PDE4D: variants seen among roughly 807,000 people sequenced by gnomAD.
PDE4D encodes 3',5'-cyclic-AMP phosphodiesterase 4D.
PDE4D carries 24 observed loss-of-function variants against 87.4 expected under a neutral mutation model. That is an observed-to-expected ratio of 0.27 (90% confidence interval 0.20 to 0.39). The LOEUF (loss-of-function observed/expected upper bound fraction) is 0.39, where lower values mean the gene tolerates loss of function less well. Ranked by LOEUF, PDE4D falls within the 10% of genes least tolerant of loss-of-function variation. PDE4D has a pLI of 1.00. For synonymous variants in PDE4D, 384 were observed against 383.2 expected (o/e 1.00, Z -0.02); for missense variants, 714 against 1,041.0 (o/e 0.69, Z 4.32).
chr5:60,328,245 A>G (rs1756983809), intron 1 of PDE4D, among the ~76,000 whole-genome samples: 1 of 152,174 alleles, frequency 6.6e-6, no homozygotes, highest in African/African-American at 2.4e-5. Context: ...AGTAAATAAT[A>G]ATGTTCTGGG....
At chr5:59,097,853 T>A (rs1487100233) in intron 5 of PDE4D, among the ~76,000 whole-genome samples, 1 of 152,182 alleles carries the variant, frequency 6.6e-6, no homozygotes, top group East Asian at 1.9e-4. Context: ...ATGATCCCCT[T>A]CCTCTCCTAG....
chr5:59,422,238 C>G (rs1794594718), intron 1 of PDE4D, among the ~76,000 whole-genome samples: 1 of 152,134 alleles, frequency 6.6e-6, no homozygotes, highest in African/African-American at 2.4e-5. Context: ...GTCTGAGGAG[C>G]TGATTACCTT....
chr5:60,475,508 G>T (rs138500980), intron 1 of PDE4D, among the ~76,000 whole-genome samples: 11 of 152,178 alleles, frequency 7.2e-5, no homozygotes, highest in African/African-American at 2.6e-4. Context: ...GACGAAAATG[G>T]CTTTCCATTA....
intron 2 of PDE4D, among the ~76,000 whole-genome samples, chr5:60,097,152 T>C (rs926120555): frequency 2.0e-5 from 3 of 152,026 alleles, no homozygotes; most frequent in African/African-American, 7.2e-5. Context: ...GAATGAAGTC[T>C]TGTCCATGGC....
intron 1 of PDE4D, among the ~76,000 whole-genome samples, chr5:59,865,366 G>T (rs1345655216): frequency 6.6e-6 from 1 of 152,162 alleles, no homozygotes; most frequent in East Asian, 1.9e-4. Flanking sequence ...CTTAAAGTCT[G>T]TAAATGTAAT....
intron 2 of PDE4D, among the ~76,000 whole-genome samples, chr5:60,038,089 A>T (rs965053797): frequency 6.6e-6 from 1 of 152,034 alleles, no homozygotes; most frequent in African/African-American, 2.4e-5. Flanking sequence ...GTTCACTCTG[A>T]TGGTAGTTTC....
intron 1 of PDE4D, among the ~76,000 whole-genome samples, chr5:60,394,712 T>G (rs1583617696): frequency 6.6e-6 from 1 of 152,232 alleles, no homozygotes; most frequent in African/African-American, 2.4e-5. Flanking sequence ...TCAGTACAAA[T>G]GAAGTAAAGA....
At chr5:59,712,504 T>C (rs1754356348) in intron 1 of PDE4D, among the ~76,000 whole-genome samples, 1 of 148,282 alleles carries the variant, frequency 6.7e-6, no homozygotes, top group African/African-American at 2.4e-5. Context: ...TTATAACAGA[T>C]TTATTAGTCC....
chr5:59,690,266 T>A, intron 1 of PDE4D, among the ~76,000 whole-genome samples: 1 of 152,068 alleles, frequency 6.6e-6, no homozygotes, highest in Non-Finnish European at 1.5e-5. Flanking sequence ...GCCAAGACAA[T>A]CCTAAGCCAA....
intron 2 of PDE4D, among the ~76,000 whole-genome samples, chr5:59,200,915 G>C (rs894368702): frequency 6.6e-6 from 1 of 151,884 alleles, no homozygotes; most frequent in Non-Finnish European, 1.5e-5. Flanking sequence ...TATAGAATTA[G>C]AGTCATAGTG....
At chr5:58,999,545 G>T (rs1750008275) in intron 6 of PDE4D, 3 of 1,436,978 alleles carry the variant, frequency 2.1e-6, no homozygotes, top group South Asian at 1.2e-5. Flanking sequence ...ATTTTTGATT[G>T]ATTATATGTA....
At chr5:60,428,689 T>C (rs527735477) in intron 1 of PDE4D, among the ~76,000 whole-genome samples, 1 of 152,232 alleles carries the variant, frequency 6.6e-6, no homozygotes, top group South Asian at 2.1e-4. Context: ...AGAATTTTCA[T>C]AATGTAGGTA....
At chr5:60,345,021 GTCT>G (rs35180346) in intron 1 of PDE4D, among the ~76,000 whole-genome samples, 20,635 of 151,596 alleles carry the variant, frequency 0.14, 1,536 homozygotes, top group South Asian at 0.31. Context: ...TTAATTTTTT[GTCT>G]TTTTTTATGT....
chr5:60,382,969 C>T (rs1196978908), intron 1 of PDE4D, among the ~76,000 whole-genome samples: 1 of 152,114 alleles, frequency 6.6e-6, no homozygotes, highest in Non-Finnish European at 1.5e-5. Context: ...CTCAAAAGCT[C>T]CCCCATGTGT....
rs180707439 is a variant in PDE4D at position 59,617,144 on chromosome 5, T to A, written c.455+276024A>T. ...AAAAGTCTTATTTTAGATAGGTGGA[T>A]TTCAAACCTTGCTTTGCTTATGGGT... On this transcript the variant is annotated intron_variant, in intron 1 of 14. Transcript: ENST00000340635. 2.0e-5 allele frequency among the ~76,000 whole-genome samples: 3 copies of A among 151,912 alleles called. No individual in the cohort carries two copies. The East Asian group carries it at 5.8e-4, about 30-fold the overall frequency.
In PDE4D at chr5:59,264,984, CT is replaced by C. The variant is rs556098799; in HGVS notation, c.456-49017del. Among the ~76,000 whole-genome samples, 28 of 152,064 alleles carry C rather than the reference CT, an allele frequency of 1.8e-4. No homozygotes were observed. The East Asian group carries it at 5.0e-3, about 27-fold the overall frequency. On this transcript the variant is annotated intron_variant, in intron 1 of 14. Coordinates refer to ENST00000340635, the MANE Select transcript of PDE4D (RefSeq NM_001104631.2). ...AAAGGAAAAAGGAGTCCTTCTCAGT[CT>C]GGTCTGATAGAGATGATGAGGCTCA...
intron 1 of PDE4D, among the ~76,000 whole-genome samples, chr5:59,357,582 T>G (rs116526629): frequency 9.8e-4 from 149 of 152,342 alleles, no homozygotes; most frequent in African/African-American, 3.4e-3. Flanking sequence ...TGAATTACAA[T>G]GCATGACTCT....
intron 1 of PDE4D, among the ~76,000 whole-genome samples, chr5:59,406,387 TC>T (rs201605105): frequency 1.2e-4 from 9 of 76,850 alleles, no homozygotes; most frequent in Admixed American, 2.9e-4. Context: ...TCTTTCCTTA[TC>T]TTTCCTTCCC....
intron 1 of PDE4D, among the ~76,000 whole-genome samples, chr5:60,226,525 T>C (rs1745125443): frequency 6.6e-6 from 1 of 152,140 alleles, no homozygotes; most frequent in Non-Finnish European, 1.5e-5. Flanking sequence ...GTAGAAAAGA[T>C]GCCTTGAAAT....
Sources: gnomAD v4.1 joint callset for allele counts (sites outside exome capture counted in the v4.1 genomes callset) on GRCh38, gnomAD v4.1.1 for gene constraint, MANE v1.5 for transcripts, NCBI Gene and HGNC (gene_info 2026-07-23, HGNC 2026-07-21) for gene names.